LRRK2: variants seen among roughly 807,000 people sequenced by gnomAD.
The protein encoded by LRRK2 is leucine-rich repeat serine/threonine-protein kinase 2.
In LRRK2, 203 loss-of-function variants were observed where a neutral mutation model predicts 302.6. That is an observed-to-expected ratio of 0.67 (90% confidence interval 0.60 to 0.75). The LOEUF is 0.75. LRRK2 is among the 30% of genes least tolerant of loss of function. The pLI, the probability that LRRK2 is intolerant of heterozygous loss-of-function variation, is 0.00. For synonymous variants in LRRK2, 1,066 were observed against 1,031.9 expected (o/e 1.03, Z -0.63); for missense variants, 2,830 against 2,951.0 (o/e 0.96, Z 0.95).
intron 7 of LRRK2, 60 bp from the exon 8 acceptor site, chr12:40,249,766 G>A: frequency 6.3e-7 from 1 of 1,576,840 alleles, no homozygotes; most frequent in Non-Finnish European, 8.7e-7. Flanking sequence ...AGTGTTATAT[G>A]TTAAAGGTAA....
intron 37 of LRRK2, 85 bp from the exon 38 acceptor site, chr12:40,323,075 C>A (rs1205593737): frequency 1.8e-6 from 2 of 1,090,706 alleles, no homozygotes; most frequent in African/African-American, 3.1e-5. Flanking sequence ...AGAAAATATT[C>A]CATTATTTTT....
intron 18 of LRRK2, among the ~76,000 whole-genome samples, chr12:40,280,414 A>G (rs1284959850): frequency 6.6e-6 from 1 of 151,862 alleles, no homozygotes; most frequent in African/African-American, 2.4e-5. Flanking sequence ...ATTTGAGCCC[A>G]GGAGTTCAAG....
At position 40,303,952 on chromosome 12, in the gene LRRK2, C is replaced by T. The variant is rs746433333; in HGVS notation, c.3595C>T (p.Arg1199Trp). 47 of 1,613,286 alleles carry T rather than the reference C, an allele frequency of 2.9e-5. No individual in the cohort carries two copies. Among genetic ancestry groups the T allele is most frequent in the Admixed American group, 1.7e-5 (1 of 59,958 alleles). The stretch of plus-strand genomic sequence containing the variant: ...CTTTTCTGTGTATTGTTTTAGCTTG[C>T]GGTCTTTAGATATGAGCAGCAATGA... ...PEAILNLPHL[R>W]SLDMSSNDIQ... Residue 1199 changes from arginine to tryptophan, a missense_variant, in exon 27 of 51, where the codon CGG (arginine) becomes TGG (tryptophan). Physicochemically the swap from Arg to Trp is moderately radical, Grantham distance 101. Transcript: ENST00000298910.
chr12:40,298,862 ATTATATATATACTATATATAATACT>A, intron 24 of LRRK2, among the ~76,000 whole-genome samples: 5 of 11,932 alleles, frequency 4.2e-4, no homozygotes, highest in East Asian at 2.6e-3. Flanking sequence ...ATACCTATAT[ATTATATATATACTATATATAATACT>A]TATTATATAT....
intron 20 of LRRK2, 56 bp from the exon 21 acceptor site, chr12:40,293,489 T>G: frequency 1.8e-6 from 2 of 1,108,504 alleles, no homozygotes; most frequent in Non-Finnish European, 2.7e-6. Context: ...AAGGATCTTA[T>G]GATTGAGTAA....
At chr12:40,285,605 A>G (rs1943891334) in intron 19 of LRRK2, among the ~76,000 whole-genome samples, 2 of 152,082 alleles carry the variant, frequency 1.3e-5, no homozygotes, top group Admixed American at 6.6e-5. Flanking sequence ...GACATTCTCA[A>G]TGTGCACAAA....
chr12:40,356,724 G>A (rs1165007704), intron 46 of LRRK2, among the ~76,000 whole-genome samples: 1 of 152,138 alleles, frequency 6.6e-6, no homozygotes, highest in African/African-American at 2.4e-5. Flanking sequence ...GGGAAGTAGA[G>A]TATAACCCTT....
intron 46 of LRRK2, among the ~76,000 whole-genome samples, chr12:40,356,737 G>T (rs1379563229): frequency 6.6e-6 from 1 of 152,002 alleles, no homozygotes; most frequent in Non-Finnish European, 1.5e-5. Flanking sequence ...TAACCCTTAG[G>T]TTATTTCTTT....
rs3789328 is a variant in LRRK2, at chr12:40,367,205, A to G, written c.7462+128A>G. The stretch of plus-strand genomic sequence containing the variant: ...AATCAGGAATTTTAATTGGTAGTTT[A>G]TAGTGTAAAGAACTTAGACATAAAT... On this transcript the variant is annotated intron_variant, in intron 50 of 50. Transcript: ENST00000298910. The G allele has an allele frequency of 0.64, 506,569 of 792,260 alleles. 164,465 individuals carry two copies. The highest frequency in any genetic ancestry group is 0.67 in the Non-Finnish European group (325,925 of 486,650). 49.1% of individuals were successfully genotyped at this position (792,260 alleles called of 1,614,324 possible). A position where few individuals can be genotyped will look rare whatever the true frequency, so the allele number is the denominator to read the frequency against.
At chr12:40,291,645 T>C (rs994207883) in intron 20 of LRRK2, among the ~76,000 whole-genome samples, 1 of 151,928 alleles carries the variant, frequency 6.6e-6, no homozygotes, top group Non-Finnish European at 1.5e-5. Context: ...GATTATCATA[T>C]GGTCTGTCTT....
At chr12:40,320,582 C>T (rs375403085) in intron 34 of LRRK2, among the ~76,000 whole-genome samples, 1 of 151,840 alleles carries the variant, frequency 6.6e-6, no homozygotes, top group Non-Finnish European at 1.5e-5. Context: ...CAATGGATGC[C>T]TATGTTTTAG....
chr12:40,244,562 C>T (rs747866037), intron 7 of LRRK2, among the ~76,000 whole-genome samples: 2 of 151,566 alleles, frequency 1.3e-5, no homozygotes, highest in Non-Finnish European at 2.9e-5. Context: ...ATTTATTTGC[C>T]ATTGGTATGT....
chr12:40,304,079 C>T lies in LRRK2; in HGVS notation c.3722C>T (p.Ala1241Val), dbSNP rs56095201. ...QISILDLSEK[A>V]YLWSRVEKLH... ...AGCATCTTGGACTTGAGTGAAAAAG[C>T]ATATTTATGGTCTAGAGTAGAGAAA... The change falls in exon 27 of 51, where the codon GCA (alanine) becomes GTA (valine). Residue 1241 changes from alanine to valine, a missense_variant. This residue lies in a region of LRRK2 where 2,121 missense variants were observed against 2,148.0 expected (regional missense o/e 0.99). Transcript: ENST00000298910. The T allele has an allele frequency of 6.2e-7, 1 of 1,613,600 alleles. No homozygotes were observed. The highest frequency in any genetic ancestry group is 8.5e-7 in the Non-Finnish European group (1 of 1,179,702).
At chr12:40,362,412 C>A (rs764553561) in intron 47 of LRRK2, among the ~76,000 whole-genome samples, 2 of 152,006 alleles carry the variant, frequency 1.3e-5, no homozygotes, top group Non-Finnish European at 2.9e-5. Context: ...TACTGTAGTG[C>A]CTTCTTCTAT....
At chr12:40,359,704 A>G (rs1400761219) in intron 47 of LRRK2, among the ~76,000 whole-genome samples, 1 of 152,166 alleles carries the variant, frequency 6.6e-6, no homozygotes, top group Non-Finnish European at 1.5e-5. Context: ...GTATTTATCA[A>G]TCTAAATTTT....
chr12:40,355,589 C>G (rs1946509913), intron 45 of LRRK2, among the ~76,000 whole-genome samples: 1 of 132,680 alleles, frequency 7.5e-6, no homozygotes, highest in Admixed American at 8.8e-5. Flanking sequence ...GTTGCCCAAG[C>G]TGGAGTGCAA....
intron 14 of LRRK2, among the ~76,000 whole-genome samples, chr12:40,264,533 C>T (rs750165608): frequency 9.2e-5 from 14 of 152,176 alleles, no homozygotes; most frequent in African/African-American, 2.7e-4. Flanking sequence ...GCAGGAGAAT[C>T]GCTTGAACCC....
intron 16 of LRRK2, among the ~76,000 whole-genome samples, chr12:40,276,612 A>C (rs1943465159): frequency 6.6e-6 from 1 of 152,090 alleles, no homozygotes. Context: ...TCAGTGTTTA[A>C]AAGTTTTTAA....
In LRRK2 at chr12:40,283,956, T is replaced by G; in HGVS notation, c.2323T>G (p.Leu775Val). 6.2e-7 allele frequency: 1 copy of G among 1,613,922 alleles called. No homozygotes were observed. The highest frequency in any genetic ancestry group is 8.5e-7 in the Non-Finnish European group (1 of 1,179,876). Residue 775 changes from leucine (L) to valine (V), a missense_variant, in exon 19 of 51, where the codon TTG becomes GTG. Leu to Val is a conservative substitution (Grantham distance 32). Coordinates refer to ENST00000298910, the MANE Select transcript of LRRK2 (RefSeq NM_198578.4). ...TCGTGAACAAGATGTACGAAAAGCG[T>G]TGACGATAAGCATTGGGAAAGGTGA... The part of the protein sequence containing the change: ...GSREQDVRKA[L>V]TISIGKGDSQ...
Sources: gnomAD v4.1 joint callset for allele counts (sites outside exome capture counted in the v4.1 genomes callset) on GRCh38, gnomAD v4.1.1 for gene constraint, gnomAD v4.1.1 regional missense constraint, MANE v1.5 for transcripts, NCBI Gene and HGNC (gene_info 2026-07-23, HGNC 2026-07-21) for gene names.